SLC1A3: variants seen among roughly 807,000 people sequenced by gnomAD.
SLC1A3 encodes the protein solute carrier family 1 member 3.
SLC1A3 carries 21 observed loss-of-function variants against 48.1 expected under a neutral mutation model. That is an observed-to-expected ratio of 0.44 (90% CI 0.31 to 0.63). The LOEUF (loss-of-function observed/expected upper bound fraction) is 0.63. Ranked by LOEUF, SLC1A3 falls within the 20% of genes least tolerant of loss-of-function variation. The pLI, the probability that SLC1A3 is intolerant of heterozygous loss-of-function variation, is 0.08. For synonymous variants in SLC1A3, 239 were observed against 251.4 expected, an observed-to-expected ratio of 0.95 and a Z score of 0.47; for missense variants, 546 against 689.0, an observed-to-expected ratio of 0.79 and a Z score of 2.32.
chr5:36,624,412 C>T (rs1329162949), intron 2 of SLC1A3, among the ~76,000 whole-genome samples: 1 of 152,188 alleles, frequency 6.6e-6, no homozygotes, highest in Non-Finnish European at 1.5e-5. Context: ...TCCACCTCAG[C>T]CACTCCATGG....
chr5:36,636,499 CTT>C (rs1200220429), intron 3 of SLC1A3: 31,948 of 127,326 alleles, frequency 0.25, 3,705 homozygotes, highest in Non-Finnish European at 0.28. Context: ...TTCTTTCTTT[CTT>C]TCTTTTTCTT....
intron 3 of SLC1A3, among the ~76,000 whole-genome samples, chr5:36,633,069 C>G (rs934073706): frequency 6.6e-6 from 1 of 152,184 alleles, no homozygotes; most frequent in African/African-American, 2.4e-5. Context: ...TCGATTTGGT[C>G]AGGATGGGCA....
exon 1 of SLC1A3, among the ~76,000 whole-genome samples, chr5:36,596,615 G>A (rs374515549): frequency 6.6e-6 from 1 of 152,188 alleles, no homozygotes; most frequent in Non-Finnish European, 1.5e-5. Context: ...ATGGAGTAAA[G>A]GTGCAAGTCC....
chr5:36,669,866 C>T (rs916057679), intron 3 of SLC1A3: 1 of 151,604 alleles, frequency 6.6e-6, no homozygotes, highest in African/African-American at 2.4e-5. Context: ...GGGCCACTAC[C>T]TGAATATTAA....
intron 2 of SLC1A3, among the ~76,000 whole-genome samples, chr5:36,610,538 C>G (rs1195831733): frequency 6.6e-6 from 1 of 152,130 alleles, no homozygotes; most frequent in Non-Finnish European, 1.5e-5. Flanking sequence ...AGAAATGTTT[C>G]CATTCAAGAA....
At chr5:36,619,346 A>T (rs1385383429) in intron 2 of SLC1A3, among the ~76,000 whole-genome samples, 1 of 152,232 alleles carries the variant, frequency 6.6e-6, no homozygotes, top group East Asian at 1.9e-4. Context: ...CTTTGTAAAA[A>T]TAAGCCAATA....
chr5:36,623,047 T>C lies in SLC1A3; in HGVS notation c.182-6403T>C, dbSNP rs143693878. Among the ~76,000 whole-genome samples the C allele has an allele frequency of 4.7e-3, 712 of 151,872 alleles. 7 individuals carry two copies. The highest frequency in any genetic ancestry group is 0.017 in the African/African-American group (688 of 41,454). On this transcript the variant is annotated intron_variant, in intron 2 of 9. Transcript: ENST00000265113. ...AAAAAAAAAAAAAAGAAGTGTTTGT[T>C]GTTAGGAAAACAAGGAACCTCTGAA... is the stretch of plus-strand genomic sequence containing the variant.
intron 3 of SLC1A3, among the ~76,000 whole-genome samples, chr5:36,644,109 A>G (rs1311711054): frequency 6.6e-6 from 1 of 152,132 alleles, no homozygotes; most frequent in Non-Finnish European, 1.5e-5. Flanking sequence ...TTATATTATT[A>G]TGTACTTTTG....
rs560725387 is a variant in SLC1A3, at chr5:36,626,097, G to T, written c.182-3353G>T. Among the ~76,000 whole-genome samples, 12 of 152,290 alleles carry T rather than the reference G, an allele frequency of 7.9e-5. 1 individual carries two copies. In the South Asian group the frequency reaches 2.5e-3, roughly 32 times the overall value. On this transcript the variant is annotated intron_variant, in intron 2 of 9. Coordinates refer to ENST00000265113, the MANE Select transcript of SLC1A3 (RefSeq NM_004172.5). ...CCTAATACCTAAATAAAAATTGGTTGCACTGAGTAAGTGCAGGGCTTGAGT... is the reference window on the plus strand; with the variant it reads ...CCTAATACCTAAATAAAAATTGGTTTCACTGAGTAAGTGCAGGGCTTGAGT...
At chr5:36,673,429 C>G (rs1390070709) in intron 4 of SLC1A3, among the ~76,000 whole-genome samples, 1 of 152,164 alleles carries the variant, frequency 6.6e-6, no homozygotes, top group Non-Finnish European at 1.5e-5. Context: ...CTCACTCTAC[C>G]CCCTACAAAC....
Position 36,687,208 on chromosome 5 carries a change from G to A in SLC1A3, c.*939G>A, listed in dbSNP as rs1024904547. 7 of 152,116 alleles carry A rather than the reference G, an allele frequency of 4.6e-5. No individual in the cohort carries two copies. Among genetic ancestry groups the A allele is most frequent in the Admixed American group, 3.3e-4 (5 of 15,292 alleles). The allele number at this position is 152,116 out of a possible 1,614,324, so 9.4% of individuals were successfully genotyped here. On this transcript the variant is annotated 3_prime_UTR_variant, in exon 10 of 10. Transcript: ENST00000265113. ...AAGTATTCCCTTCTTTCCTACTCTGGGAAGAATGTCTCCTGCCACTCCTCA... is the reference window on the plus strand; with the variant it reads ...AAGTATTCCCTTCTTTCCTACTCTGAGAAGAATGTCTCCTGCCACTCCTCA...
chr5:36,602,208 G>A (rs1004627131), upstream of SLC1A3, among the ~76,000 whole-genome samples: 2 of 151,962 alleles, frequency 1.3e-5, no homozygotes, highest in African/African-American at 2.4e-5. Context: ...AAAAACTCCT[G>A]GGGGCTTCTT....
intron 3 of SLC1A3, among the ~76,000 whole-genome samples, chr5:36,645,066 G>C (rs1340622751): frequency 1.3e-5 from 2 of 152,210 alleles, no homozygotes; most frequent in Non-Finnish European, 2.9e-5. Flanking sequence ...CGTCATTGCT[G>C]AAAGTTCTGT....
intron 4 of SLC1A3, 88 bp downstream of exon 4, chr5:36,671,321 G>A: frequency 2.2e-6 from 2 of 903,616 alleles, no homozygotes; most frequent in Non-Finnish European, 3.6e-6. Context: ...GAAGGGGTGT[G>A]TGACTGAACC....
At chr5:36,677,742 C>T (rs1742272643) in intron 6 of SLC1A3, among the ~76,000 whole-genome samples, 1 of 152,100 alleles carries the variant, frequency 6.6e-6, no homozygotes, top group Non-Finnish European at 1.5e-5. Flanking sequence ...TTTGTTAAGA[C>T]CTGAATGAAC....
At chr5:36,654,074 C>T (rs905140539) in intron 3 of SLC1A3, among the ~76,000 whole-genome samples, 7 of 152,194 alleles carry the variant, frequency 4.6e-5, no homozygotes, top group African/African-American at 7.2e-5. Flanking sequence ...GAACTCCTGA[C>T]CTCGTGATCC....
intron 9 of SLC1A3, among the ~76,000 whole-genome samples, chr5:36,684,577 C>T (rs1039622188): frequency 1.3e-5 from 2 of 152,216 alleles, no homozygotes; most frequent in Non-Finnish European, 2.9e-5. Context: ...CGCCCCCTTC[C>T]CTCGCTCTTC....
At chr5:36,606,008 C>T (rs1738921513), upstream of SLC1A3, among the ~76,000 whole-genome samples, 1 of 152,202 alleles carries the variant, frequency 6.6e-6, no homozygotes, top group Admixed American at 6.5e-5. Context: ...TCCGTCTTTG[C>T]AACACAGGCA....
intron 3 of SLC1A3, among the ~76,000 whole-genome samples, chr5:36,644,757 CTAAGA>C (rs1740766855): frequency 1.3e-5 from 2 of 152,166 alleles, no homozygotes; most frequent in Admixed American, 6.5e-5. Context: ...ATTTTACTTT[CTAAGA>C]TGAGTAATAC....
Sources: gnomAD v4.1 joint callset for allele counts (sites outside exome capture counted in the v4.1 genomes callset) on GRCh38, gnomAD v4.1.1 for gene constraint, MANE v1.5 for transcripts, NCBI Gene and HGNC (gene_info 2026-07-23, HGNC 2026-07-21) for gene names.